Variants in INPP4B observed in about 807,000 individuals in gnomAD.
INPP4B encodes the protein inositol polyphosphate 4-phosphatase type II.
INPP4B carries 55 observed loss-of-function variants against 122.5 expected under a neutral mutation model. The ratio of observed to expected loss-of-function variants is 0.45; its 90% CI spans 0.36 to 0.56. The LOEUF is 0.56. Ranked by LOEUF, INPP4B falls within the 20% of genes least tolerant of loss-of-function variation. INPP4B has a pLI of 0.00. For synonymous variants in INPP4B, 403 were observed against 388.7 expected, an observed-to-expected ratio of 1.04 and a Z score of -0.43; for missense variants, 1,000 against 1,097.7, an observed-to-expected ratio of 0.91 and a Z score of 1.26.
At chr4:142,710,683 C>A (rs2150794226) in intron 2 of INPP4B, among the ~76,000 whole-genome samples, 1 of 152,326 alleles carries the variant, frequency 6.6e-6, no homozygotes, top group East Asian at 1.9e-4. Context: ...TACCTCATTA[C>A]TTCCCAATCT....
chr4:142,509,586 C>T (rs1366163393), intron 2 of INPP4B, among the ~76,000 whole-genome samples: 1 of 152,156 alleles, frequency 6.6e-6, no homozygotes, highest in Non-Finnish European at 1.5e-5. Context: ...CATAGTACTC[C>T]ATGGTGTATA....
At chr4:142,125,022 T>C (rs1195882244) in intron 18 of INPP4B, among the ~76,000 whole-genome samples, 1 of 152,168 alleles carries the variant, frequency 6.6e-6, no homozygotes, top group Non-Finnish European at 1.5e-5. Context: ...TCATCTCTAA[T>C]CTGTGCACTA....
chr4:142,834,391 G>C (rs1287896549), intron 1 of INPP4B, among the ~76,000 whole-genome samples: 2 of 152,076 alleles, frequency 1.3e-5, no homozygotes, highest in African/African-American at 4.8e-5. Context: ...GCTACCTGTT[G>C]CTCTCCCTAT....
At position 142,221,127 on chromosome 4, in the gene INPP4B, C is replaced by T. The variant is rs114427501; in HGVS notation, c.837-12101G>A. Among the ~76,000 whole-genome samples, 715 of 152,040 alleles carry T rather than the reference C, an allele frequency of 4.7e-3. 9 individuals are homozygous for T. Among genetic ancestry groups the T allele is most frequent in the African/African-American group, 0.016 (683 of 41,484 alleles). ...AAATGTAACACAATCCGGCTGGGCA[C>T]GGTGGTTCACGCCTGTAATCCCAGC... On this transcript the variant is annotated intron_variant, in intron 12 of 25. Coordinates refer to ENST00000262992, the MANE Select transcript of INPP4B (RefSeq NM_001101669.3).
At chr4:142,685,418 C>T (rs527831218) in intron 2 of INPP4B, among the ~76,000 whole-genome samples, 1 of 151,978 alleles carries the variant, frequency 6.6e-6, no homozygotes, top group African/African-American at 2.4e-5. Flanking sequence ...ATTGTATAAA[C>T]AATAAATATT....
chr4:142,413,245 C>G (rs1804978662), intron 5 of INPP4B, among the ~76,000 whole-genome samples: 1 of 151,988 alleles, frequency 6.6e-6, no homozygotes, highest in South Asian at 2.1e-4. Context: ...AAGCCAGGGT[C>G]TTTCTCTCCA....
chr4:142,096,608 A>C (rs1324308085), intron 23 of INPP4B, among the ~76,000 whole-genome samples: 1 of 152,178 alleles, frequency 6.6e-6, no homozygotes, highest in East Asian at 1.9e-4. Context: ...AAGAAACAGA[A>C]GTGCTTCTAA....
chr4:142,689,818 G>A (rs374025972), intron 2 of INPP4B, among the ~76,000 whole-genome samples: 5 of 152,052 alleles, frequency 3.3e-5, no homozygotes, highest in Non-Finnish European at 7.3e-5. Flanking sequence ...ATGTTTATGC[G>A]CAGCTAATTC....
chr4:142,074,804 C>T (rs1275205889), intron 25 of INPP4B, among the ~76,000 whole-genome samples: 1 of 151,600 alleles, frequency 6.6e-6, no homozygotes, highest in Non-Finnish European at 1.5e-5. Flanking sequence ...AACACTTAAA[C>T]GTAAGCAAAA....
intron 18 of INPP4B, among the ~76,000 whole-genome samples, chr4:142,133,096 C>T (rs562495310): frequency 6.6e-6 from 1 of 152,244 alleles, no homozygotes; most frequent in Non-Finnish European, 1.5e-5. Context: ...CCTCACTGGC[C>T]GTCTCTTGCC....
chr4:142,191,751 A>G (rs1835924758), intron 15 of INPP4B, among the ~76,000 whole-genome samples: 3 of 152,188 alleles, frequency 2.0e-5, no homozygotes, highest in African/African-American at 7.2e-5. Flanking sequence ...TAATCTACCC[A>G]TGCAATATAA....
At chr4:142,592,998 G>C (rs1737847979) in intron 2 of INPP4B, among the ~76,000 whole-genome samples, 1 of 151,922 alleles carries the variant, frequency 6.6e-6, no homozygotes, top group South Asian at 2.1e-4. Flanking sequence ...CAGCTACTCA[G>C]GAGGCTGAGA....
chr4:142,576,772 T>C (rs943255257), intron 2 of INPP4B, among the ~76,000 whole-genome samples: 4 of 152,048 alleles, frequency 2.6e-5, no homozygotes, highest in Non-Finnish European at 1.5e-5. Context: ...AAATCTAGAA[T>C]GTTCAAATAC....
chr4:142,231,579 C>G (rs1854391822), intron 12 of INPP4B, among the ~76,000 whole-genome samples: 1 of 152,028 alleles, frequency 6.6e-6, no homozygotes, highest in South Asian at 2.1e-4. Flanking sequence ...TTTCTTAATT[C>G]TATTCCTTTG....
Position 142,844,825 on chromosome 4 carries a change from G to T in INPP4B, c.-254+1384C>A, listed in dbSNP as rs536605784. ...TAAGAAAAGTCCTTTTTCAAGCAAG[G>T]TCTTTGAAATGTAGTTGTACACCTA... On this transcript the variant is annotated intron_variant, in intron 1 of 25. Transcript: ENST00000262992. Among the ~76,000 whole-genome samples the T allele has an allele frequency of 5.9e-5, 9 of 152,236 alleles. No homozygotes were observed. The South Asian group carries it at 1.2e-3, about 21-fold the overall frequency.
rs192883251 is a variant in INPP4B at position 142,487,497 on chromosome 4, A to G, written c.-190-24771T>C. On this transcript the variant is annotated intron_variant, in intron 2 of 25. Transcript: ENST00000262992. The stretch of plus-strand genomic sequence containing the variant: ...TCAATTTCTACCCTAGCCCCCCAAA[A>G]TCTGTCAGTATTTTGATTGAAATTA... Among the ~76,000 whole-genome samples, 8 of 152,210 alleles carry G rather than the reference A, an allele frequency of 5.3e-5. No individual in the cohort carries two copies. In the East Asian group the frequency reaches 1.5e-3, roughly 29 times the overall value.
intron 5 of INPP4B, among the ~76,000 whole-genome samples, chr4:142,422,397 G>C (rs1389529392): frequency 6.6e-6 from 1 of 151,998 alleles, no homozygotes; most frequent in Admixed American, 6.6e-5. Context: ...CTGAAAAAAT[G>C]GTAGTTGTTG....
intron 8 of INPP4B, among the ~76,000 whole-genome samples, chr4:142,308,541 C>G (rs1313593067): frequency 1.3e-5 from 2 of 152,066 alleles, no homozygotes; most frequent in African/African-American, 4.8e-5. Context: ...GAAGGATTCT[C>G]TCACCCTCAA....
intron 1 of INPP4B, among the ~76,000 whole-genome samples, chr4:142,750,085 A>C (rs1769441345): frequency 6.6e-6 from 1 of 152,040 alleles, no homozygotes; most frequent in Non-Finnish European, 1.5e-5. Flanking sequence ...CAATAACTTG[A>C]CTCTTCAAGA....
Sources: allele counts gnomAD v4.1 joint callset (sites outside exome capture counted in the v4.1 genomes callset), GRCh38; gene constraint gnomAD v4.1.1; transcripts MANE v1.5; gene names NCBI Gene and HGNC (gene_info 2026-07-23, HGNC 2026-07-21).